ST6GALNAC3: variants seen among roughly 807,000 people sequenced by gnomAD.
The protein encoded by ST6GALNAC3 is alpha-N-acetylgalactosaminide alpha-2,6-sialyltransferase 3.
ST6GALNAC3 carries 25 observed loss-of-function variants against 32.7 expected under a neutral mutation model. The observed-to-expected ratio is 0.76, with a 90% confidence interval of 0.56 to 1.07. The LOEUF (loss-of-function observed/expected upper bound fraction) is 1.07. Ranked by LOEUF, ST6GALNAC3 falls within the 50% of genes least tolerant of loss-of-function variation. The pLI is 0.00. For synonymous variants in ST6GALNAC3, 129 were observed against 133.1 expected, an observed-to-expected ratio of 0.97 and a Z score of 0.21; for missense variants, 355 against 382.4, an observed-to-expected ratio of 0.93 and a Z score of 0.60.
chr1:76,169,928 T>C (rs1652368264), intron 1 of ST6GALNAC3, among the ~76,000 whole-genome samples: 5 of 152,200 alleles, frequency 3.3e-5, no homozygotes, highest in Admixed American at 2.6e-4. Flanking sequence ...CACTGACTTT[T>C]TGAATTTTCA....
chr1:76,155,770 C>T (rs895588090), intron 1 of ST6GALNAC3, among the ~76,000 whole-genome samples: 1 of 152,134 alleles, frequency 6.6e-6, no homozygotes, highest in Non-Finnish European at 1.5e-5. Context: ...AGCCACCGCG[C>T]CCGGCCTCCT....
chr1:76,422,151 A>G (rs989991981), intron 3 of ST6GALNAC3, among the ~76,000 whole-genome samples: 14 of 152,004 alleles, frequency 9.2e-5, no homozygotes, highest in South Asian at 2.1e-4. Flanking sequence ...ATATATCTCA[A>G]GCACCTAGAA....
intron 1 of ST6GALNAC3, among the ~76,000 whole-genome samples, chr1:76,131,562 G>A (rs147563275): frequency 8.6e-4 from 131 of 152,234 alleles, no homozygotes; most frequent in African/African-American, 3.1e-3. Context: ...CGGGATGATC[G>A]CCAGCACTCA....
chr1:76,204,118 T>A (rs1039692085), intron 1 of ST6GALNAC3, among the ~76,000 whole-genome samples: 35 of 152,190 alleles, frequency 2.3e-4, no homozygotes, highest in South Asian at 4.1e-4. Context: ...ACTTTTTTTT[T>A]AATTCCCCAC....
chr1:76,460,477 C>CT (rs1168693027), intron 3 of ST6GALNAC3, among the ~76,000 whole-genome samples: 1 of 152,160 alleles, frequency 6.6e-6, no homozygotes, highest in Non-Finnish European at 1.5e-5. Context: ...GTCCCTTACC[C>CT]TTTCTTTTCC....
At chr1:76,168,958 G>A (rs1652301568) in intron 1 of ST6GALNAC3, among the ~76,000 whole-genome samples, 1 of 152,042 alleles carries the variant, frequency 6.6e-6, no homozygotes. Context: ...TTACCTTTAA[G>A]GTTAATATTG....
intron 1 of ST6GALNAC3, among the ~76,000 whole-genome samples, chr1:76,136,832 T>C (rs1349668049): frequency 1.3e-5 from 2 of 152,214 alleles, no homozygotes; most frequent in Admixed American, 6.5e-5. Context: ...GGTGAGAATT[T>C]TTTTGTAAAG....
Position 76,291,698 on chromosome 1 carries a change from C to T in ST6GALNAC3, c.19-22107C>T, listed in dbSNP as rs114477637. Among the ~76,000 whole-genome samples, 400 of 152,114 alleles carry T rather than the reference C, an allele frequency of 2.6e-3. 1 individual carries two copies. Among genetic ancestry groups the T allele is most frequent in the African/African-American group, 9.5e-3 (393 of 41,464 alleles). ...ATTGAAATTGCAAAAGAAAAAAATG[C>T]TTATTGTTCCTATGTTCAATTTGTT... On this transcript the variant is annotated intron_variant, in intron 1 of 4. Coordinates refer to ENST00000328299, the MANE Select transcript of ST6GALNAC3 (RefSeq NM_152996.4).
chr1:76,615,536 G>A (rs774304895), intron 3 of ST6GALNAC3, among the ~76,000 whole-genome samples: 7 of 152,216 alleles, frequency 4.6e-5, no homozygotes, highest in Non-Finnish European at 8.8e-5. Flanking sequence ...TCACCAAGTG[G>A]TGAAAGCAAG....
Position 76,586,726 on chromosome 1 carries a change from TA to T in ST6GALNAC3, c.624-40724del, listed in dbSNP as rs372476394. On this transcript the variant is annotated intron_variant, in intron 3 of 4. Transcript: ENST00000328299. ...CTTAATGTGACATTAATCAGTGTTT[TA>T]ATATTTCTTCAAAATGTATCTATTC... is the stretch of plus-strand genomic sequence containing the variant. 4.5e-4 allele frequency among the ~76,000 whole-genome samples: 68 copies of T among 152,356 alleles called. No homozygotes were observed. The Middle Eastern group carries it at 0.01, about 23-fold the overall frequency.
intron 1 of ST6GALNAC3, among the ~76,000 whole-genome samples, chr1:76,219,855 G>A (rs1320758830): frequency 6.6e-6 from 1 of 152,142 alleles, no homozygotes; most frequent in African/African-American, 2.4e-5. Context: ...TAGGATTGGA[G>A]AGTTGCATTT....
chr1:76,079,582 G>A (rs1646862971), intron 1 of ST6GALNAC3, among the ~76,000 whole-genome samples: 1 of 152,202 alleles, frequency 6.6e-6, no homozygotes. Context: ...ACATGAAGCA[G>A]TTAGCTGATA....
chr1:76,508,432 A>G (rs1049021869), intron 3 of ST6GALNAC3, among the ~76,000 whole-genome samples: 4 of 152,102 alleles, frequency 2.6e-5, no homozygotes, highest in African/African-American at 4.8e-5. Context: ...GCCCACTACT[A>G]TAGTTATATA....
chr1:76,184,496 G>A (rs562517068), intron 1 of ST6GALNAC3, among the ~76,000 whole-genome samples: 4 of 147,854 alleles, frequency 2.7e-5, no homozygotes, highest in South Asian at 2.2e-4. Flanking sequence ...CCAAGATCGT[G>A]CCACTGCATT....
rs765538362 is a variant in ST6GALNAC3, at chr1:76,412,425, C to T, written c.623+8C>T. The stretch of plus-strand genomic sequence containing the variant: ...GGAAACTGGGAAGGACAGGTGAGCC[C>T]TCTCTGAAGCAGCTTTATTGTCTTT... On this transcript the variant is annotated splice_region_variant and intron_variant, in intron 3 of 4. Coordinates refer to ENST00000328299, the MANE Select transcript of ST6GALNAC3 (RefSeq NM_152996.4). 2 of 1,576,112 alleles carry T rather than the reference C, an allele frequency of 1.3e-6. No homozygotes were observed. Among genetic ancestry groups the T allele is most frequent in the Admixed American group, 3.8e-5 (2 of 52,032 alleles).
At chr1:76,310,245 T>C (rs1646733570) in intron 1 of ST6GALNAC3, among the ~76,000 whole-genome samples, 1 of 152,200 alleles carries the variant, frequency 6.6e-6, no homozygotes, top group Non-Finnish European at 1.5e-5. Context: ...TATTTAGCCA[T>C]CTGTTCTGGT....
At chr1:76,285,653 G>T (rs1003052643) in intron 1 of ST6GALNAC3, among the ~76,000 whole-genome samples, 18 of 152,048 alleles carry the variant, frequency 1.2e-4, no homozygotes, top group African/African-American at 3.1e-4. Context: ...AGGTACTCAT[G>T]AGGGCAGAAG....
chr1:76,443,800 G>A (rs1217892610), intron 3 of ST6GALNAC3, among the ~76,000 whole-genome samples: 1 of 152,146 alleles, frequency 6.6e-6, no homozygotes, highest in Non-Finnish European at 1.5e-5. Context: ...TTCTAGTCTT[G>A]CCTTAGGCAT....
At chr1:76,565,422 G>A (rs551869691) in intron 3 of ST6GALNAC3, among the ~76,000 whole-genome samples, 2 of 152,156 alleles carry the variant, frequency 1.3e-5, no homozygotes, top group South Asian at 4.2e-4. Flanking sequence ...TCTCCCCTAG[G>A]AAAATTCCAT....
Sources: gnomAD v4.1 joint callset for allele counts (sites outside exome capture counted in the v4.1 genomes callset) on GRCh38, gnomAD v4.1.1 for gene constraint, MANE v1.5 for transcripts, NCBI Gene and HGNC (gene_info 2026-07-23, HGNC 2026-07-21) for gene names.